Variants in KAZN observed in about 807,000 individuals in gnomAD.
The protein encoded by KAZN is kazrin.
In KAZN, 40 loss-of-function variants were observed where a neutral mutation model predicts 87.4. That is an observed-to-expected ratio of 0.46 (90% CI 0.36 to 0.60). KAZN has a LOEUF of 0.60. KAZN is among the 20% of genes least tolerant of loss of function. The pLI, the probability that KAZN is intolerant of heterozygous loss-of-function variation, is 0.00. For synonymous variants in KAZN, 466 were observed against 458.3 expected (o/e 1.02, Z -0.22); for missense variants, 898 against 1,073.9 (o/e 0.84, Z 2.29).
At chr1:14,782,892 G>A (rs1243125310) in intron 1 of KAZN, among the ~76,000 whole-genome samples, 1 of 152,084 alleles carries the variant, frequency 6.6e-6, no homozygotes, top group Non-Finnish European at 1.5e-5. Context: ...CATCTGTAGA[G>A]GGCTAATTTT....
At chr1:14,907,268 G>T (rs1272446528) in intron 1 of KAZN, among the ~76,000 whole-genome samples, 1 of 151,834 alleles carries the variant, frequency 6.6e-6, no homozygotes, top group Non-Finnish European at 1.5e-5. Flanking sequence ...AGGGCATGGT[G>T]GTGCACGCTT....
At position 14,996,731 on chromosome 1, in the gene KAZN, T is replaced by C. The variant is rs1282635890; in HGVS notation, c.418+35856T>C. On this transcript the variant is annotated intron_variant, in intron 2 of 14. Transcript: ENST00000376030. The surrounding 1 kb of genome is among the most constrained non-coding windows in gnomAD (Gnocchi z 5.9). ...TTCCCTCACTGCCGGCCTCTCCCAG[T>C]CCCCAGGAGAAAGGGCTGATGCTCC... Among the ~76,000 whole-genome samples, 4 of 152,188 alleles carry C rather than the reference T, an allele frequency of 2.6e-5. No homozygotes were observed. The South Asian group carries it at 8.3e-4, about 32-fold the overall frequency.
intron 2 of KAZN, among the ~76,000 whole-genome samples, chr1:14,963,180 C>T (rs1057061236): frequency 6.6e-5 from 10 of 152,262 alleles, no homozygotes; most frequent in African/African-American, 1.9e-4. Context: ...TGCCCAGGGA[C>T]GCAGAGATCC....
At chr1:14,488,332 AC>A (rs1669462525) in intron 2 of KAZN, among the ~76,000 whole-genome samples, 1 of 152,152 alleles carries the variant, frequency 6.6e-6, no homozygotes, top group Non-Finnish European at 1.5e-5. Flanking sequence ...GAAAAAGAGA[AC>A]GGTGACCTCT....
intron 1 of KAZN, among the ~76,000 whole-genome samples, chr1:13,980,845 T>A (rs1402609245): frequency 1.3e-5 from 2 of 151,892 alleles, no homozygotes; most frequent in Non-Finnish European, 2.9e-5. Context: ...GATTGGCGGT[T>A]GGAGTAGCTG....
chr1:14,068,291 G>A (rs1470486497), intron 1 of KAZN, among the ~76,000 whole-genome samples: 1 of 152,184 alleles, frequency 6.6e-6, no homozygotes, highest in African/African-American at 2.4e-5. Flanking sequence ...TTTGGAAGAA[G>A]CAACCTCTTC....
chr1:14,886,453 C>T lies in KAZN; in HGVS notation c.227-74231C>T, dbSNP rs1038513304. ...ACACACACATACACACACACACACA[C>T]ACACACACACAGAGAGAGACAGAGA... On this transcript the variant is annotated intron_variant, in intron 1 of 14. Transcript: ENST00000376030. Among the ~76,000 whole-genome samples, 8 of 151,464 alleles carry T rather than the reference C, an allele frequency of 5.3e-5. No individual in the cohort carries two copies. In the South Asian group the frequency reaches 6.3e-4, roughly 12 times the overall value.
intron 2 of KAZN, among the ~76,000 whole-genome samples, chr1:14,501,057 T>G (rs1453038775): frequency 2.0e-5 from 3 of 150,616 alleles, no homozygotes; most frequent in Non-Finnish European, 3.0e-5. Context: ...GACTTTTTCA[T>G]AACCTAAAAA....
chr1:14,474,848 A>AG (rs1668632770), intron 2 of KAZN, among the ~76,000 whole-genome samples: 1 of 152,188 alleles, frequency 6.6e-6, no homozygotes, highest in Admixed American at 6.5e-5. Flanking sequence ...TGTAATAGTG[A>AG]GGCATCACCA....
chr1:14,439,238 C>T (rs1345658454), intron 2 of KAZN, among the ~76,000 whole-genome samples: 3 of 152,204 alleles, frequency 2.0e-5, no homozygotes, highest in Non-Finnish European at 4.4e-5. Flanking sequence ...CTTCCTCCTT[C>T]TCTTTTGTAT....
intron 8 of KAZN, among the ~76,000 whole-genome samples, chr1:15,080,463 C>T (rs1639945114): frequency 6.6e-6 from 1 of 152,084 alleles, no homozygotes. Context: ...CAGCCCCCAG[C>T]AGCCACAGTG....
chr1:14,562,021 C>A (rs1674287196), intron 2 of KAZN, among the ~76,000 whole-genome samples: 1 of 152,130 alleles, frequency 6.6e-6, no homozygotes, highest in African/African-American at 2.4e-5. Context: ...GACCCGTTTG[C>A]CTCCCCCTGG....
intron 1 of KAZN, among the ~76,000 whole-genome samples, chr1:13,972,415 C>A (rs1642173022): frequency 6.6e-6 from 1 of 152,014 alleles, no homozygotes; most frequent in African/African-American, 2.4e-5. Flanking sequence ...AAGATGCTCC[C>A]AGCATCTTGT....
At chr1:14,415,948 A>G (rs1033495257) in intron 2 of KAZN, among the ~76,000 whole-genome samples, 13 of 152,178 alleles carry the variant, frequency 8.5e-5, no homozygotes, top group Non-Finnish European at 4.4e-5. Context: ...GGATGAGAAA[A>G]AAGACAAACT....
At chr1:14,774,501 C>T (rs1313432065) in intron 1 of KAZN, among the ~76,000 whole-genome samples, 2 of 143,396 alleles carry the variant, frequency 1.4e-5, no homozygotes, top group South Asian at 2.2e-4. Context: ...GACAAGATCT[C>T]GCTGTGTCAC....
At chr1:14,064,939 A>T (rs1642950869) in intron 1 of KAZN, among the ~76,000 whole-genome samples, 1 of 152,142 alleles carries the variant, frequency 6.6e-6, no homozygotes, top group Non-Finnish European at 1.5e-5. Flanking sequence ...ACTACTACTC[A>T]GGCCACCAGC....
intron 2 of KAZN, among the ~76,000 whole-genome samples, chr1:14,220,880 GA>G (rs1445641050): frequency 3.9e-5 from 6 of 152,036 alleles, no homozygotes; most frequent in Non-Finnish European, 7.4e-5. Flanking sequence ...TGATTTTTAA[GA>G]AAAAAGATTT....
intron 1 of KAZN, among the ~76,000 whole-genome samples, chr1:14,831,530 C>G (rs558826396): frequency 6.6e-6 from 1 of 152,000 alleles, no homozygotes; most frequent in Non-Finnish European, 1.5e-5. Flanking sequence ...TGTTGCTTTC[C>G]GTTCAGCAGT....
intron 1 of KAZN, among the ~76,000 whole-genome samples, chr1:13,995,698 A>C (rs894289251): frequency 1.3e-5 from 2 of 152,176 alleles, no homozygotes; most frequent in Non-Finnish European, 2.9e-5. Flanking sequence ...CTCTCAGCCT[A>C]CATCTTTCTC....
Sources: gnomAD v4.1 joint callset for allele counts (sites outside exome capture counted in the v4.1 genomes callset) on GRCh38, gnomAD v4.1.1 for gene constraint, Gnocchi (gnomAD v3.1) non-coding constraint, MANE v1.5 for transcripts, NCBI Gene and HGNC (gene_info 2026-07-23, HGNC 2026-07-21) for gene names.